IRF3: variants seen among roughly 807,000 people sequenced by gnomAD.
IRF3 encodes the protein interferon regulatory factor 3.
IRF3 carries 29 observed loss-of-function variants against 43.2 expected under a neutral mutation model. The observed-to-expected ratio is 0.67, with a 90% confidence interval of 0.50 to 0.91. IRF3 has a LOEUF of 0.91. Among genes scored for constraint, IRF3 ranks in the 40% least tolerant of loss-of-function variants. The pLI is 0.00. For missense variants in IRF3, 505 were observed against 559.1 expected (o/e 0.90, Z 0.98); for synonymous variants, 228 against 233.9 (o/e 0.97, Z 0.23).
chr19:49,662,125 C>G lies in IRF3; in HGVS notation c.805G>C (p.Gly269Arg). Reference protein sequence around the residue: ...SYVRHVLSCLGGGLALWRAGQ... With the variant: ...SYVRHVLSCLRGGLALWRAGQ... ...GCCCGCCAGAGAGCCAGTCCCCCACCCAGGCAGCTCAGCACATGCCTCACG... is the reference window on the plus strand; with the variant it reads ...GCCCGCCAGAGAGCCAGTCCCCCACGCAGGCAGCTCAGCACATGCCTCACG... Residue 269 changes from glycine (G) to arginine (R), a missense_variant, in exon 6 of 8, where the codon GGT becomes CGT. Coordinates refer to ENST00000377139, the MANE Select transcript of IRF3 (RefSeq NM_001571.6). The G allele has an allele frequency of 1.2e-6, 2 of 1,613,854 alleles. No homozygotes were observed. The highest frequency in any genetic ancestry group is 1.7e-6 in the Non-Finnish European group (2 of 1,179,798).
intron 4 of IRF3, 41 bp from the exon 5 acceptor site, chr19:49,662,658 C>A: frequency 6.8e-7 from 1 of 1,469,738 alleles, no homozygotes; most frequent in South Asian, 1.3e-5. Context: ...ATTTCCATAT[C>A]CTTTTCTGGA....
At chr19:49,663,576 C>G in intron 2 of IRF3, 62 bp from the exon 3 acceptor site, 1 of 1,535,496 alleles carries the variant, frequency 6.5e-7, no homozygotes, top group Non-Finnish European at 8.9e-7. Context: ...TCCTGGGGCC[C>G]TAACCCTGTC....
rs1004004358 is a variant in IRF3, at chr19:49,660,931, C to T, written c.983-103G>A. 8.4e-6 allele frequency: 11 copies of T among 1,306,798 alleles called. No individual in the cohort carries two copies. In the African/African-American group the frequency reaches 1.0e-4, roughly 12 times the overall value. 81.0% of individuals were successfully genotyped at this position (1,306,798 alleles called of 1,614,324 possible). On this transcript the variant is annotated intron_variant, in intron 6 of 7. Transcript: ENST00000377139. ...CCCACCACCTCCCCTGACCTAAGGCCCTCTGCTGCCTCGACCAGGGGACTG... is the reference window on the plus strand; with the variant it reads ...CCCACCACCTCCCCTGACCTAAGGCTCTCTGCTGCCTCGACCAGGGGACTG...
Position 49,665,746 on chromosome 19 carries a change from C to G in IRF3, c.-124G>C. The G allele has an allele frequency of 1.3e-6, 2 of 1,520,162 alleles. No homozygotes were observed. Among genetic ancestry groups the G allele is most frequent in the Non-Finnish European group, 1.8e-6 (2 of 1,128,406 alleles). 94.2% of individuals were successfully genotyped at this position (1,520,162 alleles called of 1,614,324 possible). On this transcript the variant is annotated 5_prime_UTR_variant, in exon 1 of 8. Transcript: ENST00000377139. ...CTTTCCCGTCAGCTGAGCTCTAGAGCGCTGGGGCTTTCTTTTTGATCGACT... is the reference window on the plus strand; with the variant it reads ...CTTTCCCGTCAGCTGAGCTCTAGAGGGCTGGGGCTTTCTTTTTGATCGACT...
intron 2 of IRF3, 65 bp downstream of exon 2, chr19:49,664,609 A>G: frequency 1.3e-6 from 2 of 1,539,522 alleles, no homozygotes; most frequent in Non-Finnish European, 1.8e-6. Flanking sequence ...AGCCGGGCCC[A>G]CTAGGAGTCC....
chr19:49,662,645 G>A (rs773996489), intron 4 of IRF3, 28 bp from the exon 5 acceptor site: 166 of 1,507,542 alleles, frequency 1.1e-4, no homozygotes, highest in Non-Finnish European at 1.3e-4. Flanking sequence ...AAGAGAATCA[G>A]GCATTTCCAT....
intron 1 of IRF3, 53 bp from the exon 2 acceptor site, chr19:49,664,899 G>A (rs1388428410): frequency 2.6e-6 from 4 of 1,545,180 alleles, no homozygotes; most frequent in Non-Finnish European, 2.6e-6. Flanking sequence ...GGACCCACCT[G>A]GCCTGGAGTT....
chr19:49,664,007 C>T lies in IRF3; in HGVS notation c.166-493G>A, dbSNP rs138648260. ...TACTGTGCTCGGCCTCTTCAAAAGCCTTTGAAACCTCTTTGGTTTTTGTTT... is the reference window on the plus strand; with the variant it reads ...TACTGTGCTCGGCCTCTTCAAAAGCTTTTGAAACCTCTTTGGTTTTTGTTT... On this transcript the variant is annotated intron_variant, in intron 2 of 7. Coordinates refer to ENST00000377139, the MANE Select transcript of IRF3 (RefSeq NM_001571.6). The T allele has an allele frequency of 8.4e-3, 1,883 of 223,904 alleles. 34 individuals are homozygous for T. The highest frequency in any genetic ancestry group is 0.042 in the African/African-American group (1,816 of 43,520). The allele number at this position is 223,904 out of a possible 1,614,324, so 13.9% of individuals were successfully genotyped here.
chr19:49,664,374 C>A, intron 2 of IRF3: 1 of 1,176,264 alleles, frequency 8.5e-7, no homozygotes, highest in Non-Finnish European at 1.2e-6. Context: ...CAGTATCTAT[C>A]CTACAACCAA....
Position 49,659,600 on chromosome 19 carries a change from G to T in IRF3, c.*48C>A, listed in dbSNP as rs752845931. The T allele has an allele frequency of 1.9e-6, 3 of 1,575,236 alleles. No individual in the cohort carries two copies. The South Asian group carries it at 3.5e-5, about 18-fold the overall frequency. On this transcript the variant is annotated 3_prime_UTR_variant, in exon 8 of 8. Coordinates refer to ENST00000377139, the MANE Select transcript of IRF3 (RefSeq NM_001571.6). ...TAGCAGGAACCAGTTTATTGGTTGA[G>T]GTGGTGGGGAACAGGGGGGTTGGAG... is the stretch of plus-strand genomic sequence containing the variant.
At position 49,662,636 on chromosome 19, in the gene IRF3, A is replaced by T. The variant is rs2081391098; in HGVS notation, c.409-19T>A. On this transcript the variant is annotated intron_variant, in intron 4 of 7. Coordinates refer to ENST00000377139, the MANE Select transcript of IRF3 (RefSeq NM_001571.6). ...TGTCTTCCTGGAGGGAAACAAAAAA[A>T]GAGAATCAGGCATTTCCATATCCTT... 2 of 1,522,840 alleles carry T rather than the reference A, an allele frequency of 1.3e-6. No homozygotes were observed. The highest frequency in any genetic ancestry group is 1.8e-6 in the Non-Finnish European group (2 of 1,134,552). The allele number at this position is 1,522,840 out of a possible 1,614,324, so 94.3% of individuals were successfully genotyped here.
rs147409942 is a variant in IRF3, at chr19:49,664,411, A to T, written c.165+263T>A. 7.6e-3 allele frequency: 10,924 copies of T among 1,437,366 alleles called. 63 individuals carry two copies. The highest frequency in any genetic ancestry group is 9.5e-3 in the Middle Eastern group (53 of 5,558). 89.0% of individuals were successfully genotyped at this position (1,437,366 alleles called of 1,614,324 possible). A position where few individuals can be genotyped will look rare whatever the true frequency, so the allele number is the denominator to read the frequency against. On this transcript the variant is annotated intron_variant, in intron 2 of 7. Transcript: ENST00000377139. ...AGCCCCGGCCTCTAGAAAGCCCCAA[A>T]CCCCCAGGATGCATTTCCTTTGCGT...
chr19:49,661,224 T>A (rs2081313707), intron 6 of IRF3, among the ~76,000 whole-genome samples: 1 of 152,242 alleles, frequency 6.6e-6, no homozygotes, highest in Non-Finnish European at 1.5e-5. Flanking sequence ...CACGTCCTGG[T>A]TGCACTCGCC....
At chr19:49,660,941 C>G in intron 6 of IRF3, 113 bp from the exon 7 acceptor site, 1 of 1,245,134 alleles carries the variant, frequency 8.0e-7, no homozygotes. Context: ...CCTCTGCTGC[C>G]TCGACCAGGG....
intron 4 of IRF3, among the ~76,000 whole-genome samples, chr19:49,662,959 G>A (rs554481353): frequency 3.9e-5 from 6 of 152,306 alleles, no homozygotes; most frequent in African/African-American, 1.4e-4. Context: ...AGCCCCCTGC[G>A]AATCGAAATC....
At chr19:49,660,525 G>A (rs751503968) in intron 7 of IRF3, among the ~76,000 whole-genome samples, 188 bp downstream of exon 7, 9 of 152,144 alleles carry the variant, frequency 5.9e-5, no homozygotes, top group Non-Finnish European at 1.3e-4. Context: ...CTGGTTTAGA[G>A]AGTTCAAAAC....
Position 49,660,747 on chromosome 19 carries a change from T to C in IRF3, c.1064A>G (p.Asp355Gly), listed in dbSNP as rs1291555795. The C allele has an allele frequency of 3.7e-6, 6 of 1,609,590 alleles. No individual in the cohort carries two copies. Among genetic ancestry groups the C allele is most frequent in the Admixed American group, 1.7e-5 (1 of 59,364 alleles). Reference sequence around the variant, plus strand: ...CACGAGCCTCTTGGTCCACGGCTGGTCCTGGGGCCATGACTCCCCCACACA... The same window carrying C: ...CACGAGCCTCTTGGTCCACGGCTGGCCCTGGGGCCATGACTCCCCCACACA... ...WFCVGESWPQ[D>G]QPWTKRLVMV... The change falls in exon 7 of 8, where the codon GAC (aspartate) becomes GGC (glycine). Residue 355 changes from aspartate to glycine, a missense_variant. Transcript: ENST00000377139.
chr19:49,664,461 T>C lies in IRF3; in HGVS notation c.165+213A>G, dbSNP rs774436388. 10 of 1,525,130 alleles carry C rather than the reference T, an allele frequency of 6.6e-6. No homozygotes were observed. In the South Asian group the frequency reaches 1.1e-4, roughly 16 times the overall value. 94.5% of individuals were successfully genotyped at this position (1,525,130 alleles called of 1,614,324 possible). A position where few individuals can be genotyped will look rare whatever the true frequency, so the allele number is the denominator to read the frequency against. ...TACTAACCGGCTTTCCCGGTTTTAT[T>C]CCCGTAACCCTGCAGCTCCAACCCT... is the stretch of plus-strand genomic sequence containing the variant. On this transcript the variant is annotated intron_variant, in intron 2 of 7. Coordinates refer to ENST00000377139, the MANE Select transcript of IRF3 (RefSeq NM_001571.6).
At chr19:49,662,359 A>G (rs779271771) in intron 5 of IRF3, 31 bp from the exon 6 acceptor site, 3 of 1,608,162 alleles carry the variant, frequency 1.9e-6, no homozygotes, top group Non-Finnish European at 1.7e-6. Flanking sequence ...CATGAAGGGG[A>G]GAGGGGTTGA....
Sources: gnomAD v4.1 joint callset for allele counts (sites outside exome capture counted in the v4.1 genomes callset) on GRCh38, gnomAD v4.1.1 for gene constraint, MANE v1.5 for transcripts, NCBI Gene and HGNC (gene_info 2026-07-23, HGNC 2026-07-21) for gene names.